NCOA4: variants seen among roughly 807,000 people sequenced by gnomAD.
The protein encoded by NCOA4 is 70 kDa AR-activator.
Under a neutral mutation model 69.5 loss-of-function variants are expected in NCOA4, and 31 were observed. The ratio of observed to expected loss-of-function variants is 0.45; its 90% CI spans 0.34 to 0.60. The LOEUF is 0.60. Among genes scored for constraint, NCOA4 ranks in the 20% least tolerant of loss-of-function variants. The pLI, the probability that NCOA4 is intolerant of heterozygous loss-of-function variation, is 0.02. For missense variants in NCOA4, 600 were observed against 719.2 expected (o/e 0.83, Z 1.90); for synonymous variants, 228 against 252.4 (o/e 0.90, Z 0.92).
intron 1 of NCOA4, chr10:46,022,555 G>T: frequency 2.4e-6 from 1 of 424,472 alleles, no homozygotes; most frequent in Admixed American, 3.1e-5. Flanking sequence ...CCACCTCCCG[G>T]CTTCATACCA....
At chr10:46,013,734 C>G (rs1290460968) in intron 5 of NCOA4, 95 bp from the exon 6 acceptor site, 2 of 815,528 alleles carry the variant, frequency 2.5e-6, no homozygotes, top group Non-Finnish European at 3.9e-6. Context: ...AAAGCATTAC[C>G]ATTTCATTAG....
intron 7 of NCOA4, among the ~76,000 whole-genome samples, chr10:46,012,662 T>C (rs1351000619): frequency 6.6e-6 from 1 of 152,124 alleles, no homozygotes; most frequent in Non-Finnish European, 1.5e-5. Flanking sequence ...GTGTTGAGAT[T>C]ATGGGTTTGT....
At position 46,015,107 on chromosome 10, in the gene NCOA4, A is replaced by G. The variant is rs1554922823; in HGVS notation, c.282+19T>C. 6.2e-7 allele frequency: 1 copy of G among 1,614,154 alleles called. No homozygotes were observed. The highest frequency in any genetic ancestry group is 8.5e-7 in the Non-Finnish European group (1 of 1,179,986). ...CAGAAGCCATGCTCAAACCAATTCT[A>G]GCCATGCAGTCACCTTACCGAGTAG... is the stretch of plus-strand genomic sequence containing the variant. On this transcript the variant is annotated intron_variant, in intron 3 of 9. Transcript: ENST00000581486.
intron 9 of NCOA4, among the ~76,000 whole-genome samples, chr10:46,006,826 T>C (rs782149987): frequency 2.6e-5 from 4 of 152,136 alleles, no homozygotes; most frequent in Non-Finnish European, 5.9e-5. Flanking sequence ...TTCTCTTCTC[T>C]CTCCTCAGGC....
chr10:46,010,071 G>A, intron 8 of NCOA4, 152 bp downstream of exon 8: 1 of 946,220 alleles, frequency 1.1e-6, no homozygotes, highest in Non-Finnish European at 1.5e-6. Context: ...CTGTAGTGCG[G>A]GCAGGGGGAT....
chr10:46,013,809 A>C lies in NCOA4; in HGVS notation c.481-170T>G, dbSNP rs113085113. Among the ~76,000 whole-genome samples, 8 of 152,368 alleles carry C rather than the reference A, an allele frequency of 5.3e-5. 1 individual carries two copies. Among genetic ancestry groups the C allele is most frequent in the African/African-American group, 1.7e-4 (7 of 41,588 alleles). On this transcript the variant is annotated intron_variant, in intron 5 of 9. Coordinates refer to ENST00000581486, the MANE Select transcript of NCOA4 (RefSeq NM_001145263.2). The stretch of plus-strand genomic sequence containing the variant: ...TTATCAAATTTGAGAATACTCTACC[A>C]CATAACTATTATATAAAAAATCTTT...
Position 46,013,643 on chromosome 10 carries a change from C to T in NCOA4, c.481-4G>A, listed in dbSNP as rs782374874. The T allele has an allele frequency of 1.3e-6, 2 of 1,592,944 alleles. No individual in the cohort carries two copies. The highest frequency in any genetic ancestry group is 1.1e-5 in the South Asian group (1 of 88,122). ...CCATCAAGTGCTCAGGAATTTGCTA[C>T]AAAATAGAGATAATTTAATCATGTT... On this transcript the variant is annotated splice_polypyrimidine_tract_variant and splice_region_variant and intron_variant, in intron 5 of 9. Transcript: ENST00000581486.
chr10:46,009,485 C>T lies in NCOA4; in HGVS notation c.1765G>A (p.Ala589Thr). 1 of 1,611,840 alleles carries T rather than the reference C, an allele frequency of 6.2e-7. No individual in the cohort carries two copies. Among genetic ancestry groups the T allele is most frequent in the Non-Finnish European group, 8.5e-7 (1 of 1,179,494 alleles). Residue 589 changes from alanine (A) to threonine (T), a missense_variant, in exon 9 of 10, where the codon GCA (alanine) becomes ACA (threonine). Transcript: ENST00000581486. ...ATACAGGCAAAGAGATCACAAACTG[C>T]AGGGAGGCCATAATGGTCTGGGGGG... ...NFPPDHYGLPAVCDLFACMQL... is the reference protein window; with the variant it reads ...NFPPDHYGLPTVCDLFACMQL...
At chr10:46,012,060 CAAAAAGAAAGAAAAAAAAAAAA>C (rs1839244504) in intron 7 of NCOA4, among the ~76,000 whole-genome samples, 2 of 34,530 alleles carry the variant, frequency 5.8e-5, no homozygotes, top group African/African-American at 2.8e-4. Flanking sequence ...GACTCGGTCT[CAAAAAGAAAGAAAAAAAAAAAA>C]AAAAAAAAAA....
intron 7 of NCOA4, among the ~76,000 whole-genome samples, chr10:46,011,985 C>T (rs1418476008): frequency 6.5e-5 from 9 of 138,146 alleles, no homozygotes; most frequent in African/African-American, 1.6e-4. Context: ...GGCATGAACC[C>T]GCAGGACGGA....
chr10:46,014,365 T>A, intron 5 of NCOA4, 79 bp downstream of exon 5: 1 of 1,034,524 alleles, frequency 9.7e-7, no homozygotes, highest in Non-Finnish European at 1.5e-6. Context: ...AAAGTCACTA[T>A]TCATAGCAAT....
intron 8 of NCOA4, among the ~76,000 whole-genome samples, chr10:46,009,863 G>A (rs1436755597): frequency 6.6e-6 from 1 of 152,142 alleles, no homozygotes; most frequent in Non-Finnish European, 1.5e-5. Flanking sequence ...CAAGGTTTGG[G>A]ATTATGAAAT....
In NCOA4 at chr10:46,015,117, TC is replaced by T; in HGVS notation, c.282+8del. 1 of 1,614,154 alleles carries T rather than the reference TC, an allele frequency of 6.2e-7. No individual in the cohort carries two copies. Among genetic ancestry groups the T allele is most frequent in the Non-Finnish European group, 8.5e-7 (1 of 1,180,024 alleles). Reference sequence around the variant, plus strand: ...GCTCAAACCAATTCTAGCCATGCAGTCACCTTACCGAGTAGAGCTGCTGAGC... The same window carrying T: ...GCTCAAACCAATTCTAGCCATGCAGTACCTTACCGAGTAGAGCTGCTGAGC... On this transcript the variant is annotated splice_region_variant and intron_variant, in intron 3 of 9. Transcript: ENST00000581486.
intron 1 of NCOA4, among the ~76,000 whole-genome samples, chr10:46,024,693 A>T (rs1840064703): frequency 6.6e-6 from 1 of 152,216 alleles, no homozygotes; most frequent in Admixed American, 6.5e-5. Flanking sequence ...ATGCTTCAGT[A>T]TTTGCCCTTG....
chr10:46,028,144 G>A (rs1375202025), intron 1 of NCOA4, among the ~76,000 whole-genome samples: 8 of 151,978 alleles, frequency 5.3e-5, no homozygotes, highest in African/African-American at 1.9e-4. Context: ...TTTCCTCCAG[G>A]TATCCTCGAG....
At chr10:46,019,495 G>C in intron 1 of NCOA4, 1 of 985,410 alleles carries the variant, frequency 1.0e-6, no homozygotes, top group East Asian at 1.1e-4. Flanking sequence ...CACCATTTGT[G>C]TGGAATGCCA....
At chr10:46,007,675 C>T (rs1304666801) in intron 9 of NCOA4, among the ~76,000 whole-genome samples, 1 of 148,602 alleles carries the variant, frequency 6.7e-6, no homozygotes, top group African/African-American at 2.5e-5. Context: ...ACACTGCAGC[C>T]TTGACCTCCC....
chr10:46,018,030 A>G (rs1413838973), intron 1 of NCOA4, among the ~76,000 whole-genome samples: 7 of 152,244 alleles, frequency 4.6e-5, no homozygotes, highest in African/African-American at 1.7e-4. Context: ...TGGCAAGACT[A>G]TATGTTATCA....
intron 1 of NCOA4, chr10:46,023,342 G>A (rs1839994229): frequency 5.1e-6 from 5 of 985,618 alleles, no homozygotes; most frequent in South Asian, 9.4e-5. Flanking sequence ...CACAGGCCAG[G>A]TCACCGACTC....
Sources: allele counts gnomAD v4.1 joint callset (sites outside exome capture counted in the v4.1 genomes callset), GRCh38; gene constraint gnomAD v4.1.1; transcripts MANE v1.5; gene names NCBI Gene and HGNC (gene_info 2026-07-23, HGNC 2026-07-21).